FOXN3: variants seen among roughly 807,000 people sequenced by gnomAD.
FOXN3 encodes forkhead box N3.
Under a neutral mutation model 38.4 loss-of-function variants are expected in FOXN3, and 7 were observed. The observed-to-expected ratio is 0.18, with a 90% CI of 0.10 to 0.34. FOXN3 has a LOEUF of 0.34. Among genes scored for constraint, FOXN3 ranks in the 10% least tolerant of loss-of-function variants. The pLI is 1.00. For missense variants in FOXN3, 456 were observed against 613.4 expected (o/e 0.74, Z 2.71); for synonymous variants, 230 against 242.2 (o/e 0.95, Z 0.47).
chr14:89,307,620 T>A (rs1166044784), intron 3 of FOXN3, among the ~76,000 whole-genome samples: 1 of 152,088 alleles, frequency 6.6e-6, no homozygotes, highest in Non-Finnish European at 1.5e-5. Context: ...CGGTTCTCCA[T>A]TTACCGAGCC....
At chr14:89,374,260 T>A (rs1890404228) in intron 2 of FOXN3, among the ~76,000 whole-genome samples, 1 of 27,966 alleles carries the variant, frequency 3.6e-5, no homozygotes, top group African/African-American at 2.0e-4. Flanking sequence ...TGAGACCTTG[T>A]CTCAAAAAAA....
At chr14:89,537,474 TGG>T (rs1894712734) in intron 1 of FOXN3, among the ~76,000 whole-genome samples, 1 of 152,064 alleles carries the variant, frequency 6.6e-6, no homozygotes, top group African/African-American at 2.4e-5. Flanking sequence ...GATGGATGGA[TGG>T]ATGGATGGAT....
intron 1 of FOXN3, among the ~76,000 whole-genome samples, chr14:89,448,886 G>GA (rs1231672567): frequency 6.6e-6 from 1 of 151,974 alleles, no homozygotes; most frequent in Non-Finnish European, 1.5e-5. Flanking sequence ...AGGCTGTAGT[G>GA]AGAGCTGTGA....
At chr14:89,584,699 C>G (rs1465563806) in intron 1 of FOXN3, among the ~76,000 whole-genome samples, 1 of 151,580 alleles carries the variant, frequency 6.6e-6, no homozygotes, top group Non-Finnish European at 1.5e-5. Flanking sequence ...CTCTTCTTTT[C>G]TTCTCTTCTC....
intron 1 of FOXN3, among the ~76,000 whole-genome samples, chr14:89,555,364 G>C (rs1895095695): frequency 6.6e-6 from 1 of 152,166 alleles, no homozygotes; most frequent in African/African-American, 2.4e-5. Context: ...AGCGACAGGA[G>C]GAGGCTCTGC....
At chr14:89,275,234 G>A (rs1018938107) in intron 4 of FOXN3, among the ~76,000 whole-genome samples, 1 of 152,172 alleles carries the variant, frequency 6.6e-6, no homozygotes, top group Non-Finnish European at 1.5e-5. Flanking sequence ...GTTTGGGGAT[G>A]GGTATCTTCA....
intron 1 of FOXN3, among the ~76,000 whole-genome samples, chr14:89,453,529 C>T (rs571558127): frequency 1.6e-4 from 22 of 141,234 alleles, no homozygotes; most frequent in African/African-American, 5.8e-4. Context: ...CATTGCACTC[C>T]AGCCTGGGCG....
At chr14:89,334,357 C>A (rs1888373041) in intron 3 of FOXN3, among the ~76,000 whole-genome samples, 1 of 152,144 alleles carries the variant, frequency 6.6e-6, no homozygotes, top group Non-Finnish European at 1.5e-5. Flanking sequence ...CGCCTGTAAT[C>A]CCAGCACTTT....
At chr14:89,305,473 T>C (rs1887343840) in intron 3 of FOXN3, among the ~76,000 whole-genome samples, 1 of 152,222 alleles carries the variant, frequency 6.6e-6, no homozygotes, top group Non-Finnish European at 1.5e-5. Flanking sequence ...TGAGGTTATA[T>C]TAGCATAGGA....
intron 2 of FOXN3, among the ~76,000 whole-genome samples, chr14:89,403,134 C>T (rs1891296170): frequency 6.6e-6 from 1 of 152,150 alleles, no homozygotes; most frequent in African/African-American, 2.4e-5. Context: ...CATTATGTTT[C>T]CTGCTTCCCT....
chr14:89,551,631 T>G (rs751361118), intron 1 of FOXN3, among the ~76,000 whole-genome samples: 2 of 152,026 alleles, frequency 1.3e-5, no homozygotes, highest in African/African-American at 2.4e-5. Flanking sequence ...TCTGGACGAG[T>G]GTGTAGTCCC....
chr14:89,327,206 A>T (rs1196436790), intron 3 of FOXN3, among the ~76,000 whole-genome samples: 1 of 152,222 alleles, frequency 6.6e-6, no homozygotes, highest in East Asian at 1.9e-4. Flanking sequence ...GGTGAGATTT[A>T]TATACAAAGC....
chr14:89,572,854 G>T (rs1243307474), intron 1 of FOXN3, among the ~76,000 whole-genome samples: 1 of 152,226 alleles, frequency 6.6e-6, no homozygotes, highest in East Asian at 1.9e-4. Context: ...AAGCCTCGGG[G>T]CCCCAGCTTG....
At chr14:89,431,826 T>C (rs558693324) in intron 1 of FOXN3, among the ~76,000 whole-genome samples, 1 of 152,266 alleles carries the variant, frequency 6.6e-6, no homozygotes, top group Admixed American at 6.5e-5. Flanking sequence ...GCAATTCTCC[T>C]GCCTCAGCCT....
intron 2 of FOXN3, among the ~76,000 whole-genome samples, chr14:89,363,146 C>T (rs1201404817): frequency 6.6e-6 from 1 of 152,176 alleles, no homozygotes. Context: ...CACACATGTG[C>T]ACCAGCTCCT....
chr14:89,416,700 C>A (rs1458804573), intron 1 of FOXN3, among the ~76,000 whole-genome samples, 171 bp downstream of exon 1: 1 of 152,164 alleles, frequency 6.6e-6, no homozygotes, highest in Non-Finnish European at 1.5e-5. Flanking sequence ...CCGGCAACTT[C>A]CCGGCTCGGG....
rs114704998 is a variant in FOXN3 at position 89,512,628 on chromosome 14, T to G, written c.-14-100138A>C. Among the ~76,000 whole-genome samples the G allele has an allele frequency of 3.0e-3, 456 of 152,354 alleles. 2 individuals are homozygous for G. Among genetic ancestry groups the G allele is most frequent in the African/African-American group, 0.01 (433 of 41,596 alleles). ...CGGTACGGGGAGGCCATCTTTCTCA[T>G]GGAGAATTTATGCCTTGCTTTTAGG... On this transcript the variant is annotated intron_variant, in intron 1 of 6. Coordinates refer to the FOXN3 transcript ENST00000345097.
chr14:89,179,158 AC>A (rs138715775), intron 5 of FOXN3, among the ~76,000 whole-genome samples: 2 of 152,258 alleles, frequency 1.3e-5, no homozygotes, highest in African/African-American at 4.8e-5. Flanking sequence ...TACAAGAAAA[AC>A]CTTTCCATGT....
chr14:89,369,705 T>C (rs1890260243), intron 2 of FOXN3, among the ~76,000 whole-genome samples: 1 of 150,762 alleles, frequency 6.6e-6, no homozygotes, highest in Non-Finnish European at 1.5e-5. Context: ...TACAAACCCA[T>C]CAGATCTCAT....
Sources: allele counts gnomAD v4.1 joint callset (sites outside exome capture counted in the v4.1 genomes callset), GRCh38; gene constraint gnomAD v4.1.1; transcripts MANE v1.5; gene names NCBI Gene and HGNC (gene_info 2026-07-23, HGNC 2026-07-21).